The following RETREG1 variants were observed in gnomAD, a reference collection of about 807,000 sequenced individuals.
RETREG1 encodes the protein reticulophagy regulator 1, also known as family with sequence similarity 134 member B.
RETREG1 carries 44 observed loss-of-function variants against 54.8 expected under a neutral mutation model. The observed-to-expected ratio is 0.80, with a 90% confidence interval of 0.63 to 1.03. The LOEUF (loss-of-function observed/expected upper bound fraction) is 1.03, where lower values mean the gene tolerates loss of function less well. Ranked by LOEUF, RETREG1 falls within the 50% of genes least tolerant of loss-of-function variation. RETREG1 has a pLI of 0.00. For missense variants in RETREG1, 554 were observed against 605.1 expected (o/e 0.92, Z 0.89); for synonymous variants, 217 against 238.5 (o/e 0.91, Z 0.83).
chr5:16,504,509 A>T (rs77069868), intron 3 of RETREG1, among the ~76,000 whole-genome samples: 1 of 152,142 alleles, frequency 6.6e-6, no homozygotes. Context: ...TACCTGGCCC[A>T]GTGAAGGACT....
intron 3 of RETREG1, among the ~76,000 whole-genome samples, chr5:16,528,622 C>T (rs1053149087): frequency 6.6e-6 from 1 of 152,144 alleles, no homozygotes; most frequent in African/African-American, 2.4e-5. Flanking sequence ...AAGAGGGTTT[C>T]CCAGCAGGTG....
At chr5:16,523,332 G>A (rs1740596453) in intron 3 of RETREG1, among the ~76,000 whole-genome samples, 1 of 152,050 alleles carries the variant, frequency 6.6e-6, no homozygotes, top group Non-Finnish European at 1.5e-5. Context: ...GTATCAGCTT[G>A]GTCTCTTGTG....
rs118051146 is a variant in RETREG1, at chr5:16,507,562, G to C, written c.459-24090C>G. Among the ~76,000 whole-genome samples, 119 of 152,174 alleles carry C rather than the reference G, an allele frequency of 7.8e-4. 1 individual carries two copies. In the East Asian group the frequency reaches 0.022, roughly 28 times the overall value. On this transcript the variant is annotated intron_variant, in intron 3 of 8. Transcript: ENST00000306320. ...ATTTTATGTAGAAAGTTGTTTCATTGTTCAATTAAATGTCAACATAATGTT... is the reference window on the plus strand; with the variant it reads ...ATTTTATGTAGAAAGTTGTTTCATTCTTCAATTAAATGTCAACATAATGTT...
intron 2 of RETREG1, among the ~76,000 whole-genome samples, chr5:16,571,615 C>T (rs1197440891): frequency 6.6e-6 from 1 of 151,850 alleles, no homozygotes; most frequent in East Asian, 1.9e-4. Flanking sequence ...TGCTTTTAAA[C>T]CCTGAATTAG....
intron 3 of RETREG1, among the ~76,000 whole-genome samples, chr5:16,527,827 T>TTTTA (rs66926206): frequency 7.4e-6 from 1 of 134,774 alleles, no homozygotes; most frequent in African/African-American, 2.9e-5. Flanking sequence ...TTTTTTTTTT[T>TTTTA]GAGATGCAGT....
intron 8 of RETREG1, 136 bp from the exon 9 acceptor site, chr5:16,475,370 A>C (rs1183174300): frequency 3.2e-6 from 3 of 928,940 alleles, no homozygotes; most frequent in Non-Finnish European, 5.0e-6. Flanking sequence ...GGTCAACTTG[A>C]ATCAATTTAA....
intron 1 of RETREG1, among the ~76,000 whole-genome samples, chr5:16,591,821 G>A (rs1742782709): frequency 6.6e-6 from 1 of 152,172 alleles, no homozygotes; most frequent in African/African-American, 2.4e-5. Context: ...GAAAGACAAA[G>A]CCCATGAAAA....
At chr5:16,542,232 G>A (rs966209167) in intron 3 of RETREG1, among the ~76,000 whole-genome samples, 4 of 152,142 alleles carry the variant, frequency 2.6e-5, no homozygotes, top group Non-Finnish European at 5.9e-5. Flanking sequence ...CTGTCACCAC[G>A]GATTCGTAAA....
At position 16,571,243 on chromosome 5, in the gene RETREG1, C is replaced by T. The variant is rs368499573; in HGVS notation, c.427+753G>A. On this transcript the variant is annotated intron_variant, in intron 2 of 8. Coordinates refer to ENST00000306320, the MANE Select transcript of RETREG1 (RefSeq NM_001034850.3). ...CAGCTCTGATGCACATCAGTCCACACGGACCTCCACCAAAAGCATCCCTCC... is the reference window on the plus strand; with the variant it reads ...CAGCTCTGATGCACATCAGTCCACATGGACCTCCACCAAAAGCATCCCTCC... 1.5e-3 allele frequency among the ~76,000 whole-genome samples: 224 copies of T among 152,242 alleles called. 2 individuals are homozygous for T. Among genetic ancestry groups the T allele is most frequent in the African/African-American group, 4.9e-3 (203 of 41,532 alleles).
intron 1 of RETREG1, among the ~76,000 whole-genome samples, chr5:16,600,638 G>C (rs935065227): frequency 1.3e-5 from 2 of 151,480 alleles, no homozygotes; most frequent in East Asian, 3.9e-4. Context: ...CACAGTGAAC[G>C]CTGTGAAGTG....
intron 1 of RETREG1, 146 bp from the exon 2 acceptor site, chr5:16,572,248 T>A: frequency 1.6e-6 from 1 of 643,580 alleles, no homozygotes; most frequent in South Asian, 1.6e-5. Flanking sequence ...AGTCTCGCTC[T>A]GTTGCCCAGG....
At chr5:16,559,772 G>C (rs1228778800) in intron 3 of RETREG1, among the ~76,000 whole-genome samples, 1 of 152,176 alleles carries the variant, frequency 6.6e-6, no homozygotes, top group East Asian at 1.9e-4. Flanking sequence ...TACAGAAAAG[G>C]TCACATGCAT....
In RETREG1 at chr5:16,517,056, A is replaced by G. The variant is rs1299526624; in HGVS notation, c.459-33584T>C. ...TGAGGAAAAGTAATCCCTAAGGAGC[A>G]TGGGAACGAGGAGGAAGATATAGCT... On this transcript the variant is annotated intron_variant, in intron 3 of 8. Transcript: ENST00000306320. Among the ~76,000 whole-genome samples, 3 of 151,764 alleles carry G rather than the reference A, an allele frequency of 2.0e-5. No individual in the cohort carries two copies. In the South Asian group the frequency reaches 6.2e-4, roughly 31 times the overall value.
At chr5:16,533,124 A>C (rs1175112725) in intron 3 of RETREG1, among the ~76,000 whole-genome samples, 1 of 152,014 alleles carries the variant, frequency 6.6e-6, no homozygotes, top group African/African-American at 2.4e-5. Context: ...GGCTCACTGC[A>C]AGCTCCGCCT....
At chr5:16,555,960 C>T (rs962060036) in intron 3 of RETREG1, among the ~76,000 whole-genome samples, 1 of 152,056 alleles carries the variant, frequency 6.6e-6, no homozygotes, top group African/African-American at 2.4e-5. Flanking sequence ...ATTATTCTAG[C>T]CGAGTTATTT....
chr5:16,611,867 C>G (rs1442487335), intron 1 of RETREG1, among the ~76,000 whole-genome samples: 1 of 152,070 alleles, frequency 6.6e-6, no homozygotes, highest in Non-Finnish European at 1.5e-5. Context: ...GAGTTCGTGA[C>G]CAGCCTGACC....
intron 3 of RETREG1, among the ~76,000 whole-genome samples, chr5:16,560,734 T>C (rs1252921175): frequency 6.6e-6 from 1 of 152,234 alleles, no homozygotes; most frequent in African/African-American, 2.4e-5. Context: ...AAAGATCTAC[T>C]TATCAGTCAC....
At chr5:16,515,040 T>C (rs1740303670) in intron 3 of RETREG1, among the ~76,000 whole-genome samples, 1 of 151,206 alleles carries the variant, frequency 6.6e-6, no homozygotes, top group Admixed American at 6.6e-5. Flanking sequence ...ATTTTTGCAA[T>C]TGTGACTTAT....
At chr5:16,534,697 A>C (rs1020952) in intron 3 of RETREG1, among the ~76,000 whole-genome samples, 129,836 of 152,248 alleles carry the variant, frequency 0.85, 55,393 homozygotes, top group Middle Eastern at 0.88. Context: ...CCACTTTCCA[A>C]GGGAGACTCA....
Sources: allele counts gnomAD v4.1 joint callset (sites outside exome capture counted in the v4.1 genomes callset), GRCh38; gene constraint gnomAD v4.1.1; transcripts MANE v1.5; gene names NCBI Gene and HGNC (gene_info 2026-07-23, HGNC 2026-07-21).